The following CACNB2 variants were observed in gnomAD, a reference collection of about 807,000 sequenced individuals.
The protein encoded by CACNB2 is voltage-dependent L-type calcium channel subunit beta-2.
A neutral mutation model predicts 73.3 loss-of-function variants in CACNB2; 42 were observed. The ratio of observed to expected loss-of-function variants is 0.57; its 90% CI spans 0.45 to 0.74. CACNB2 has a LOEUF of 0.74. CACNB2 is among the 30% of genes least tolerant of loss of function. CACNB2 has a pLI of 0.00. For synonymous variants in CACNB2, 348 were observed against 310.3 expected (o/e 1.12, Z -1.28); for missense variants, 940 against 853.0 (o/e 1.10, Z -1.27).
At chr10:18,388,469 G>C (rs916144060) in intron 2 of CACNB2, among the ~76,000 whole-genome samples, 8 of 152,124 alleles carry the variant, frequency 5.3e-5, no homozygotes, top group Middle Eastern at 3.2e-3. Flanking sequence ...TAGGTCCCTA[G>C]GGTACTTTCC....
At chr10:18,406,428 C>T (rs774020133) in intron 3 of CACNB2, among the ~76,000 whole-genome samples, 1 of 152,162 alleles carries the variant, frequency 6.6e-6, no homozygotes, top group Non-Finnish European at 1.5e-5. Flanking sequence ...ACAGCCACTC[C>T]CCACTGCTCA....
At chr10:18,144,426 G>A (rs1248662684) in intron 1 of CACNB2, among the ~76,000 whole-genome samples, 1 of 152,198 alleles carries the variant, frequency 6.6e-6, no homozygotes, top group Non-Finnish European at 1.5e-5. Context: ...CAATCTAACT[G>A]CAAATTCTTG....
At chr10:18,465,132 C>A (rs531647482) in intron 3 of CACNB2, among the ~76,000 whole-genome samples, 5 of 152,172 alleles carry the variant, frequency 3.3e-5, no homozygotes, top group Non-Finnish European at 7.3e-5. Flanking sequence ...GAGTTCAAGA[C>A]CAGCCTGGCC....
intron 2 of CACNB2, among the ~76,000 whole-genome samples, chr10:18,220,523 A>G (rs2035749458): frequency 6.6e-6 from 1 of 151,468 alleles, no homozygotes; most frequent in African/African-American, 2.4e-5. Flanking sequence ...CAGTCTCCCA[A>G]AGTTCTGGGC....
At chr10:18,429,410 G>C (rs1257100354) in intron 3 of CACNB2, among the ~76,000 whole-genome samples, 8 of 152,090 alleles carry the variant, frequency 5.3e-5, no homozygotes, top group Non-Finnish European at 1.2e-4. Context: ...TGTGCCTCCT[G>C]AATATGAGGA....
intron 2 of CACNB2, among the ~76,000 whole-genome samples, chr10:18,392,861 A>G (rs529174868): frequency 7.3e-4 from 111 of 152,214 alleles, no homozygotes; most frequent in Middle Eastern, 6.8e-3. Context: ...CTTGTTTTCA[A>G]TTTCATAACT....
intron 2 of CACNB2, among the ~76,000 whole-genome samples, chr10:18,173,641 C>T (rs2033395875): frequency 6.6e-6 from 1 of 151,968 alleles, no homozygotes; most frequent in South Asian, 2.1e-4. Context: ...TTTTTTTGCT[C>T]TTGGAATTAG....
chr10:18,239,286 T>G (rs1470474704), intron 2 of CACNB2, among the ~76,000 whole-genome samples: 3 of 152,174 alleles, frequency 2.0e-5, no homozygotes, highest in Non-Finnish European at 4.4e-5. Context: ...TTATACCAGT[T>G]AGGTCATTTC....
At chr10:18,261,093 G>T in intron 2 of CACNB2, 1 of 1,453,514 alleles carries the variant, frequency 6.9e-7, no homozygotes, top group Non-Finnish European at 9.1e-7. Context: ...GTTTTGGCAT[G>T]CCTGCAGGAA....
rs1187455895 is a variant in CACNB2, at chr10:18,508,951, TGACATTACTAAAAGTAAA to T, written c.670+2406_670+2423del. ...ACATTCCATTTTGTAGGCAGATGTT[TGACATTACTAAAAGTAAA>T]GTTCCATGAAGAGTGTAATATTTAA... On this transcript the variant is annotated intron_variant, in intron 6 of 13. Transcript: ENST00000324631. 8.5e-5 allele frequency among the ~76,000 whole-genome samples: 13 copies of T among 152,320 alleles called. No homozygotes were observed. In the East Asian group the frequency reaches 2.5e-3, roughly 29 times the overall value.
intron 2 of CACNB2, among the ~76,000 whole-genome samples, chr10:18,271,147 A>C (rs767147373): frequency 1.3e-5 from 2 of 152,228 alleles, no homozygotes; most frequent in Non-Finnish European, 2.9e-5. Context: ...ATCAATATGC[A>C]GAAAGTAGAA....
At chr10:18,474,001 C>A (rs1005267130) in intron 3 of CACNB2, among the ~76,000 whole-genome samples, 1 of 152,030 alleles carries the variant, frequency 6.6e-6, no homozygotes, top group Non-Finnish European at 1.5e-5. Context: ...TTTTAAAATG[C>A]GAGGGTTGGA....
Position 18,204,627 on chromosome 10 carries a change from T to C in CACNB2, c.213+53652T>C, listed in dbSNP as rs112148724. Reference sequence around the variant, plus strand: ...TTATGTGTGGCCTTAGGCCACAAAATCATTTAACCTCTGGATTTAGTGAGA... The same window carrying C: ...TTATGTGTGGCCTTAGGCCACAAAACCATTTAACCTCTGGATTTAGTGAGA... On this transcript the variant is annotated intron_variant, in intron 2 of 13. Transcript: ENST00000324631. Among the ~76,000 whole-genome samples the C allele has an allele frequency of 4.7e-3, 713 of 152,356 alleles. 3 individuals are homozygous for C. The highest frequency in any genetic ancestry group is 0.016 in the African/African-American group (685 of 41,588).
intron 2 of CACNB2, chr10:18,260,706 G>A: frequency 1.0e-6 from 1 of 994,168 alleles, no homozygotes; most frequent in South Asian, 4.5e-5. Flanking sequence ...AATCCAGGAT[G>A]CTGCTGTCAG....
At chr10:18,401,416 T>C (rs545792582) in intron 2 of CACNB2, among the ~76,000 whole-genome samples, 1 of 152,254 alleles carries the variant, frequency 6.6e-6, no homozygotes, top group African/African-American at 2.4e-5. Flanking sequence ...TCAGAGAAAA[T>C]AGCAGGTGTA....
intron 2 of CACNB2, among the ~76,000 whole-genome samples, chr10:18,236,389 A>T (rs1046647698): frequency 1.3e-5 from 2 of 152,254 alleles, no homozygotes; most frequent in Non-Finnish European, 2.9e-5. Context: ...TTGATGGGAG[A>T]TCACAAATCC....
chr10:18,406,063 A>G (rs1360935027), intron 3 of CACNB2, among the ~76,000 whole-genome samples: 1 of 152,186 alleles, frequency 6.6e-6, no homozygotes, highest in Non-Finnish European at 1.5e-5. Flanking sequence ...TCGAATATCT[A>G]CTATATTAAA....
chr10:18,209,776 G>A (rs1308403212), intron 2 of CACNB2, among the ~76,000 whole-genome samples: 1 of 151,960 alleles, frequency 6.6e-6, no homozygotes, highest in African/African-American at 2.4e-5. Flanking sequence ...ATTATTGATT[G>A]TCTTGAGTCA....
chr10:18,168,587 C>T (rs2033027621), intron 2 of CACNB2, among the ~76,000 whole-genome samples: 1 of 151,832 alleles, frequency 6.6e-6, no homozygotes, highest in Non-Finnish European at 1.5e-5. Context: ...ATATGAAGCA[C>T]CTCACACTGC....
Sources: allele counts gnomAD v4.1 joint callset (sites outside exome capture counted in the v4.1 genomes callset), GRCh38; gene constraint gnomAD v4.1.1; transcripts MANE v1.5; gene names NCBI Gene and HGNC (gene_info 2026-07-23, HGNC 2026-07-21).